The following SCN10A variants were observed in gnomAD, a reference collection of about 807,000 sequenced individuals.
The protein encoded by SCN10A is sodium voltage-gated channel alpha subunit 10, also known as sodium channel protein type 10 subunit alpha.
A neutral mutation model predicts 170.7 loss-of-function variants in SCN10A; 162 were observed. The observed-to-expected ratio is 0.95, with a 90% CI of 0.84 to 1.08. The LOEUF (loss-of-function observed/expected upper bound fraction) is 1.08, where lower values mean the gene tolerates loss of function less well. Ranked by LOEUF, SCN10A falls within the 50% of genes least tolerant of loss-of-function variation. SCN10A has a pLI of 0.00. For synonymous variants in SCN10A, 985 were observed against 904.6 expected (o/e 1.09, Z -1.59); for missense variants, 2,527 against 2,436.9 (o/e 1.04, Z -0.78).
chr3:38,728,520 C>G, intron 16 of SCN10A, 22 bp downstream of exon 16: 1 of 1,548,114 alleles, frequency 6.5e-7, no homozygotes, highest in Non-Finnish European at 8.7e-7. Flanking sequence ...AGACAGTGCC[C>G]CCAGCAGGGT....
chr3:38,698,973 C>T (rs2063128308), intron 27 of SCN10A, among the ~76,000 whole-genome samples: 1 of 152,084 alleles, frequency 6.6e-6, no homozygotes. Flanking sequence ...TGGGTCATGC[C>T]CTTTCCTCCA....
Position 38,744,929 on chromosome 3 carries a change from C to A in SCN10A, c.1868-2400G>T, listed in dbSNP as rs138738471. On this transcript the variant is annotated intron_variant, in intron 13 of 27. Coordinates refer to ENST00000449082, the MANE Select transcript of SCN10A (RefSeq NM_006514.4). ...ATCACTGACTGGATTTTAGAAACTA[C>A]AGATGTCCAAACTGGCAAAGCATAG... Among the ~76,000 whole-genome samples, 76 of 152,296 alleles carry A rather than the reference C, an allele frequency of 5.0e-4. No homozygotes were observed. The East Asian group carries it at 0.013, about 26-fold the overall frequency.
intron 4 of SCN10A, among the ~76,000 whole-genome samples, chr3:38,785,572 G>T (rs368784330): frequency 6.6e-6 from 1 of 152,128 alleles, no homozygotes; most frequent in African/African-American, 2.4e-5. Flanking sequence ...ATAGGCATGG[G>T]CAAAGGCTTT....
chr3:38,729,028 T>G, intron 15 of SCN10A, 127 bp from the exon 16 acceptor site: 1 of 1,171,282 alleles, frequency 8.5e-7, no homozygotes, highest in East Asian at 2.4e-5. Flanking sequence ...CAGGGCGTTT[T>G]CTGGACACTG....
intron 13 of SCN10A, among the ~76,000 whole-genome samples, chr3:38,744,229 G>C (rs895300363): frequency 5.9e-5 from 9 of 152,256 alleles, no homozygotes; most frequent in Middle Eastern, 3.4e-3. Context: ...GGAGTGGGAG[G>C]GGGGTGCACC....
intron 5 of SCN10A, among the ~76,000 whole-genome samples, chr3:38,763,968 T>C (rs1213480346): frequency 6.6e-6 from 1 of 152,140 alleles, no homozygotes; most frequent in East Asian, 1.9e-4. Flanking sequence ...TATCTCAGAT[T>C]TGAGGTCTCT....
At position 38,701,834 on chromosome 3, in the gene SCN10A, C is replaced by T. The variant is rs373642730; in HGVS notation, c.4657+5G>A. The T allele has an allele frequency of 1.4e-5, 23 of 1,592,990 alleles. No homozygotes were observed. The African/African-American group carries it at 2.1e-4, about 15-fold the overall frequency. ...GGCTTCCCCACCACGTGGCTGCCCA[C>T]TTACTCGCAATGGAGAGAACCACCA... On this transcript the variant is annotated splice_donor_5th_base_variant and intron_variant, in intron 27 of 27. Transcript: ENST00000449082.
chr3:38,758,720 C>T (rs1013644359), intron 8 of SCN10A, among the ~76,000 whole-genome samples: 6 of 152,122 alleles, frequency 3.9e-5, no homozygotes, highest in Admixed American at 6.5e-5. Context: ...TCACTCTGTC[C>T]GTTATCCTGA....
At chr3:38,745,623 AC>A (rs1352133974) in intron 13 of SCN10A, among the ~76,000 whole-genome samples, 1 of 151,810 alleles carries the variant, frequency 6.6e-6, no homozygotes, top group East Asian at 1.9e-4. Flanking sequence ...TTCACCTCTC[AC>A]CCGCTCTTTA....
chr3:38,724,313 C>T lies in SCN10A; in HGVS notation c.3229-760G>A, dbSNP rs570495212. On this transcript the variant is annotated intron_variant, in intron 18 of 27. Coordinates refer to ENST00000449082, the MANE Select transcript of SCN10A (RefSeq NM_006514.4). ...AACTTTGGGGATGAATTATGACTTC[C>T]TTATCTCTGTTGAGCCCAGTGCCTG... Among the ~76,000 whole-genome samples, 35 of 152,320 alleles carry T rather than the reference C, an allele frequency of 2.3e-4. 1 individual carries two copies. The highest frequency in any genetic ancestry group is 7.9e-4 in the African/African-American group (33 of 41,570).
At chr3:38,701,758 T>C in intron 27 of SCN10A, 81 bp downstream of exon 27, 2 of 1,390,158 alleles carry the variant, frequency 1.4e-6, no homozygotes, top group Non-Finnish European at 9.7e-7. Flanking sequence ...AGTTGGTTGG[T>C]TATTTCCTTG....
At chr3:38,784,173 T>C (rs928120789) in intron 4 of SCN10A, among the ~76,000 whole-genome samples, 2 of 152,068 alleles carry the variant, frequency 1.3e-5, no homozygotes, top group Non-Finnish European at 2.9e-5. Context: ...AATGTATCAG[T>C]TTTTTCCTGT....
chr3:38,777,310 G>T (rs2064087491), intron 4 of SCN10A, among the ~76,000 whole-genome samples: 1 of 152,066 alleles, frequency 6.6e-6, no homozygotes, highest in Admixed American at 6.6e-5. Context: ...GCTCAGCAGG[G>T]TTGCTGGATG....
chr3:38,794,607 T>C (rs1176886056), intron 1 of SCN10A, among the ~76,000 whole-genome samples: 1 of 152,160 alleles, frequency 6.6e-6, no homozygotes, highest in African/African-American at 2.4e-5. Context: ...GGCTGAACAC[T>C]TTTCCCCATA....
intron 13 of SCN10A, among the ~76,000 whole-genome samples, chr3:38,743,973 A>G (rs1452493840): frequency 6.6e-6 from 1 of 152,194 alleles, no homozygotes; most frequent in Non-Finnish European, 1.5e-5. Flanking sequence ...CTTTAGGTTT[A>G]TCTATAAATT....
intron 1 of SCN10A, among the ~76,000 whole-genome samples, chr3:38,812,937 G>A (rs1019901694): frequency 8.5e-5 from 13 of 152,098 alleles, no homozygotes; most frequent in Admixed American, 6.5e-4. Context: ...AGGAGCTGAG[G>A]TAGGAGGATC....
intron 26 of SCN10A, among the ~76,000 whole-genome samples, chr3:38,703,721 G>A (rs1269667448): frequency 6.6e-6 from 1 of 152,010 alleles, no homozygotes; most frequent in Non-Finnish European, 1.5e-5. Context: ...AGAGTTCTTC[G>A]AGGCTCAGTC....
chr3:38,705,216 G>A lies in SCN10A; in HGVS notation c.4386+2063C>T, dbSNP rs527898450. Among the ~76,000 whole-genome samples, 18 of 152,322 alleles carry A rather than the reference G, an allele frequency of 1.2e-4. No individual in the cohort carries two copies. In the South Asian group the frequency reaches 1.9e-3, roughly 16 times the overall value. ...TGTTCTAGCCTTGCCTCAGCTATGC[G>A]AAATTAGGGAACAAAGGAAAGAGTG... is the stretch of plus-strand genomic sequence containing the variant. On this transcript the variant is annotated intron_variant, in intron 26 of 27. Transcript: ENST00000449082.
chr3:38,727,640 G>A (rs1409650050), intron 16 of SCN10A, among the ~76,000 whole-genome samples: 1 of 152,156 alleles, frequency 6.6e-6, no homozygotes, highest in South Asian at 2.1e-4. Context: ...AGACTAAAGA[G>A]TCTGGATTTG....
Sources: allele counts gnomAD v4.1 joint callset (sites outside exome capture counted in the v4.1 genomes callset), GRCh38; gene constraint gnomAD v4.1.1; transcripts MANE v1.5; gene names NCBI Gene and HGNC (gene_info 2026-07-23, HGNC 2026-07-21).